SLC24A2: variants seen among roughly 807,000 people sequenced by gnomAD.
SLC24A2 encodes sodium/potassium/calcium exchanger 2.
SLC24A2 carries 36 observed loss-of-function variants against 62.0 expected under a neutral mutation model. That is an observed-to-expected ratio of 0.58 (90% CI 0.44 to 0.77). The LOEUF (loss-of-function observed/expected upper bound fraction) is 0.77, where lower values mean the gene tolerates loss of function less well. Among genes scored for constraint, SLC24A2 ranks in the 30% least tolerant of loss-of-function variants. SLC24A2 has a pLI of 0.00. For synonymous variants in SLC24A2, 358 were observed against 294.0 expected, an observed-to-expected ratio of 1.22 and a Z score of -2.23; for missense variants, 846 against 817.9, an observed-to-expected ratio of 1.03 and a Z score of -0.42.
chr9:19,551,944 C>T (rs759661880), intron 7 of SLC24A2, among the ~76,000 whole-genome samples: 2 of 152,154 alleles, frequency 1.3e-5, no homozygotes, highest in Admixed American at 6.5e-5. Flanking sequence ...ACAACAGGTT[C>T]TTCTGCTTTG....
the SLC24A2 span, among the ~76,000 whole-genome samples, chr9:20,105,164 T>C: frequency 1.3e-5 from 2 of 152,186 alleles, no homozygotes; most frequent in African/African-American, 4.8e-5. Context: ...TAAATATATA[T>C]GCACCCAATA....
intron 8 of SLC24A2, among the ~76,000 whole-genome samples, chr9:19,532,780 G>C (rs1312711393): frequency 6.6e-6 from 1 of 152,156 alleles, no homozygotes; most frequent in African/African-American, 2.4e-5. Context: ...ATAGATACTT[G>C]ATGAATCAAT....
At chr9:19,545,014 A>G (rs202176111) in intron 8 of SLC24A2, among the ~76,000 whole-genome samples, 1 of 152,272 alleles carries the variant, frequency 6.6e-6, no homozygotes, top group Middle Eastern at 3.4e-3. Context: ...GATATCCCGA[A>G]AAGTGTTTTC....
chr9:19,847,484 T>C, the SLC24A2 span, among the ~76,000 whole-genome samples: 3 of 152,210 alleles, frequency 2.0e-5, no homozygotes, highest in African/African-American at 4.8e-5. Context: ...TCTCTCCCTC[T>C]CTCCTGGGTT....
At chr9:19,671,539 C>G (rs1417569900) in intron 2 of SLC24A2, among the ~76,000 whole-genome samples, 1 of 152,058 alleles carries the variant, frequency 6.6e-6, no homozygotes, top group African/African-American at 2.4e-5. Context: ...ATTTGGATGC[C>G]CTTTATTTCT....
At chr9:20,148,177 A>T in the SLC24A2 span, among the ~76,000 whole-genome samples, 1 of 152,072 alleles carries the variant, frequency 6.6e-6, no homozygotes, top group African/African-American at 2.4e-5. Context: ...GAAAGGGGAA[A>T]GGGTAGCCAC....
At chr9:19,574,796 A>G (rs930763086) in intron 6 of SLC24A2, among the ~76,000 whole-genome samples, 10 of 152,146 alleles carry the variant, frequency 6.6e-5, no homozygotes, top group Admixed American at 2.6e-4. Flanking sequence ...CGCGAGGGAA[A>G]TTAAAAGGTT....
intron 2 of SLC24A2, among the ~76,000 whole-genome samples, chr9:19,642,835 T>C (rs1432808919): frequency 6.6e-6 from 1 of 151,244 alleles, no homozygotes; most frequent in African/African-American, 2.4e-5. Flanking sequence ...CGCCCGCCAC[T>C]GTGCCCAGCT....
chr9:20,307,284 T>G, the SLC24A2 span, among the ~76,000 whole-genome samples: 1 of 152,224 alleles, frequency 6.6e-6, no homozygotes, highest in Non-Finnish European at 1.5e-5. Context: ...GTAAATGAAG[T>G]GTTTGAGATA....
At chr9:20,283,824 C>A in the SLC24A2 span, among the ~76,000 whole-genome samples, 1 of 151,810 alleles carries the variant, frequency 6.6e-6, no homozygotes, top group African/African-American at 2.4e-5. Flanking sequence ...GTGTAGGATT[C>A]CCGCATGCGC....
chr9:20,246,771 A>C, the SLC24A2 span, among the ~76,000 whole-genome samples: 1 of 152,238 alleles, frequency 6.6e-6, no homozygotes, highest in African/African-American at 2.4e-5. Context: ...GTCTGCCTGT[A>C]TAGCTAGGCA....
chr9:19,508,261 G>A lies in SLC24A2; in HGVS notation c.*7892C>T, dbSNP rs1012866367. 1 of 152,134 alleles carries A rather than the reference G, an allele frequency of 6.6e-6. No individual in the cohort carries two copies. The highest frequency in any genetic ancestry group is 1.5e-5 in the Non-Finnish European group (1 of 68,036). 9.4% of individuals were successfully genotyped at this position (152,134 alleles called of 1,614,324 possible). A position where few individuals can be genotyped will look rare whatever the true frequency, so the allele number is the denominator to read the frequency against. On this transcript the variant is annotated 3_prime_UTR_variant, in exon 11 of 11. Transcript: ENST00000341998. ...TTCAGTAACTGAGGCTCCCTCTTCC[G>A]AATAGAGTCTCAGCCCTTTAGAGAA...
At chr9:19,740,514 C>T (rs552150295) in intron 2 of SLC24A2, among the ~76,000 whole-genome samples, 2 of 152,290 alleles carry the variant, frequency 1.3e-5, no homozygotes, top group African/African-American at 4.8e-5. Flanking sequence ...GCAAAGTTCA[C>T]AATAGGTGAC....
chr9:19,735,759 C>CA (rs975340134), intron 2 of SLC24A2, among the ~76,000 whole-genome samples: 62 of 144,146 alleles, frequency 4.3e-4, no homozygotes, highest in Non-Finnish European at 8.5e-4. Flanking sequence ...ATCGCAAGGA[C>CA]AAAAAACCAA....
At chr9:20,002,809 A>G in the SLC24A2 span, among the ~76,000 whole-genome samples, 1 of 152,204 alleles carries the variant, frequency 6.6e-6, no homozygotes, top group Non-Finnish European at 1.5e-5. Flanking sequence ...TGGTGGTTTC[A>G]GGAGGGGACA....
At chr9:20,072,440 G>A in the SLC24A2 span, among the ~76,000 whole-genome samples, 2 of 152,088 alleles carry the variant, frequency 1.3e-5, no homozygotes, top group Admixed American at 1.3e-4. Flanking sequence ...TATAATAAAA[G>A]ACTGTAACTC....
At chr9:20,070,995 T>C in the SLC24A2 span, among the ~76,000 whole-genome samples, 110 of 152,314 alleles carry the variant, frequency 7.2e-4, no homozygotes, top group African/African-American at 2.5e-3. Context: ...CTTGATGCTG[T>C]TGTTGTGATA....
the SLC24A2 span, among the ~76,000 whole-genome samples, chr9:19,835,924 A>T: frequency 6.6e-6 from 1 of 152,258 alleles, no homozygotes; most frequent in African/African-American, 2.4e-5. Flanking sequence ...TAAGAAACTC[A>T]TTCAAAAACA....
chr9:20,303,190 G>A, the SLC24A2 span, among the ~76,000 whole-genome samples: 4 of 151,962 alleles, frequency 2.6e-5, no homozygotes, highest in African/African-American at 9.7e-5. Flanking sequence ...CATCACGGGA[G>A]TACAGTTACT....
Sources: gnomAD v4.1 joint callset for allele counts (sites outside exome capture counted in the v4.1 genomes callset) on GRCh38, gnomAD v4.1.1 for gene constraint, MANE v1.5 for transcripts, NCBI Gene and HGNC (gene_info 2026-07-23, HGNC 2026-07-21) for gene names.